TMEM132D: variants seen among roughly 807,000 people sequenced by gnomAD.
The protein encoded by TMEM132D is transmembrane protein 132D.
TMEM132D carries 21 observed loss-of-function variants against 62.3 expected under a neutral mutation model. The ratio of observed to expected loss-of-function variants is 0.34; its 90% CI spans 0.24 to 0.49. The LOEUF (loss-of-function observed/expected upper bound fraction) is 0.49, where lower values mean the gene tolerates loss of function less well. Among genes scored for constraint, TMEM132D ranks in the 20% least tolerant of loss-of-function variants. TMEM132D has a pLI of 0.99. For missense variants in TMEM132D, 1,346 were observed against 1,402.8 expected (o/e 0.96, Z 0.65); for synonymous variants, 621 against 575.6 (o/e 1.08, Z -1.13).
intron 3 of TMEM132D, among the ~76,000 whole-genome samples, chr12:129,469,536 T>C (rs1459191227): frequency 2.0e-5 from 3 of 152,174 alleles, no homozygotes; most frequent in Non-Finnish European, 4.4e-5. Context: ...AATTAGAACA[T>C]TCTAACAAGA....
chr12:129,900,737 CA>C (rs1875324453), intron 1 of TMEM132D, among the ~76,000 whole-genome samples: 1 of 152,178 alleles, frequency 6.6e-6, no homozygotes, highest in African/African-American at 2.4e-5. Flanking sequence ...AGCTCATCTG[CA>C]GGCTAGCACC....
chr12:129,380,403 A>T (rs1186224721), intron 3 of TMEM132D, among the ~76,000 whole-genome samples: 2 of 152,120 alleles, frequency 1.3e-5, no homozygotes, highest in Non-Finnish European at 2.9e-5. Context: ...GTTTCACATG[A>T]TCACGTAAGA....
At chr12:129,850,851 G>C (rs1247759743) in intron 1 of TMEM132D, among the ~76,000 whole-genome samples, 5 of 152,070 alleles carry the variant, frequency 3.3e-5, no homozygotes, top group Non-Finnish European at 5.9e-5. Flanking sequence ...TTCCATGTGA[G>C]GACACAAAAT....
intron 3 of TMEM132D, among the ~76,000 whole-genome samples, chr12:129,442,358 G>C (rs1872962933): frequency 1.3e-5 from 2 of 152,184 alleles, no homozygotes; most frequent in African/African-American, 4.8e-5. Flanking sequence ...TTGCTCTTGG[G>C]AGAAGGCTCC....
chr12:129,848,972 C>T (rs1342160671), intron 1 of TMEM132D, among the ~76,000 whole-genome samples: 1 of 152,208 alleles, frequency 6.6e-6, no homozygotes, highest in Non-Finnish European at 1.5e-5. Flanking sequence ...GTTGATTTCC[C>T]TTCCTGCCTC....
chr12:129,141,565 A>T (rs1405013146), intron 5 of TMEM132D, among the ~76,000 whole-genome samples: 1 of 152,188 alleles, frequency 6.6e-6, no homozygotes, highest in East Asian at 1.9e-4. Context: ...GAAACGTCAG[A>T]GCTTAGTGAA....
At chr12:129,167,274 G>A (rs967971601) in intron 5 of TMEM132D, among the ~76,000 whole-genome samples, 2 of 152,022 alleles carry the variant, frequency 1.3e-5, no homozygotes, top group East Asian at 3.9e-4. Context: ...CCATCTCGCA[G>A]CAGGTGGGAC....
At chr12:129,169,976 A>C (rs1296294358) in intron 5 of TMEM132D, 1 of 152,224 alleles carries the variant, frequency 6.6e-6, no homozygotes, top group Non-Finnish European at 1.5e-5. Context: ...TATTTCAACA[A>C]GATCTATTTA....
intron 2 of TMEM132D, among the ~76,000 whole-genome samples, chr12:129,589,300 C>T (rs529906075): frequency 5.3e-5 from 8 of 152,220 alleles, no homozygotes; most frequent in African/African-American, 1.7e-4. Flanking sequence ...TGTCTGCTAC[C>T]ATGTAAGACA....
chr12:129,529,062 T>C (rs1876140296), intron 3 of TMEM132D, among the ~76,000 whole-genome samples: 1 of 152,204 alleles, frequency 6.6e-6, no homozygotes, highest in Admixed American at 6.5e-5. Flanking sequence ...ACATATAACA[T>C]ATTGTGTGTG....
At chr12:129,823,097 T>G (rs1382553569) in intron 1 of TMEM132D, among the ~76,000 whole-genome samples, 3 of 152,186 alleles carry the variant, frequency 2.0e-5, no homozygotes, top group Non-Finnish European at 4.4e-5. Context: ...ACCTCGCACA[T>G]CTCTTTCTTG....
chr12:129,391,977 G>A (rs1435810874), intron 3 of TMEM132D, among the ~76,000 whole-genome samples: 6 of 151,662 alleles, frequency 4.0e-5, no homozygotes, highest in South Asian at 4.2e-4. Flanking sequence ...GGCTGGTCTC[G>A]AACTCCTGAC....
intron 3 of TMEM132D, among the ~76,000 whole-genome samples, chr12:129,516,857 G>C (rs1250659619): frequency 2.6e-5 from 4 of 152,200 alleles, no homozygotes; most frequent in African/African-American, 4.8e-5. Flanking sequence ...CTTTCTGGAG[G>C]CTTCAGGGGA....
intron 2 of TMEM132D, among the ~76,000 whole-genome samples, chr12:129,590,389 A>C (rs1417096401): frequency 6.6e-6 from 1 of 152,200 alleles, no homozygotes; most frequent in East Asian, 1.9e-4. Flanking sequence ...ATCACCATGC[A>C]AGGCGCTTCC....
chr12:129,228,609 T>C (rs908599092), intron 4 of TMEM132D, among the ~76,000 whole-genome samples: 1 of 152,182 alleles, frequency 6.6e-6, no homozygotes. Context: ...AATCGAATCA[T>C]GTGATGTGTG....
intron 2 of TMEM132D, among the ~76,000 whole-genome samples, chr12:129,610,018 C>T (rs1473254620): frequency 1.3e-5 from 2 of 152,096 alleles, no homozygotes; most frequent in African/African-American, 4.8e-5. Context: ...ACTTGTAATC[C>T]CAACGCTTTG....
chr12:129,545,179 G>A (rs1411488666), intron 2 of TMEM132D, among the ~76,000 whole-genome samples: 1 of 152,160 alleles, frequency 6.6e-6, no homozygotes, highest in African/African-American at 2.4e-5. Flanking sequence ...TTCCTGACTT[G>A]ACTTGGGAGA....
At chr12:129,556,906 TATCCC>T (rs1438223929) in intron 2 of TMEM132D, among the ~76,000 whole-genome samples, 2 of 152,216 alleles carry the variant, frequency 1.3e-5, no homozygotes, top group African/African-American at 4.8e-5. Context: ...CAAAACTTTG[TATCCC>T]CAGGCACATT....
chr12:129,722,118 A>G (rs1868854674), intron 1 of TMEM132D, among the ~76,000 whole-genome samples: 1 of 152,172 alleles, frequency 6.6e-6, no homozygotes, highest in African/African-American at 2.4e-5. Flanking sequence ...CTTAGGTCCC[A>G]CGCTGCTTTT....
Sources: gnomAD v4.1 joint callset for allele counts (sites outside exome capture counted in the v4.1 genomes callset) on GRCh38, gnomAD v4.1.1 for gene constraint, MANE v1.5 for transcripts, NCBI Gene and HGNC (gene_info 2026-07-23, HGNC 2026-07-21) for gene names.